The following PACRG variants were observed in gnomAD, a reference collection of about 807,000 sequenced individuals.
The protein encoded by PACRG is parkin coregulated.
PACRG carries 29 observed loss-of-function variants against 29.7 expected under a neutral mutation model. The observed-to-expected ratio is 0.98, with a 90% CI of 0.73 to 1.33. The LOEUF is 1.33. Among genes scored for constraint, PACRG ranks in the 40% most tolerant of loss-of-function variants. The pLI is 0.00. For synonymous variants in PACRG, 116 were observed against 118.7 expected (o/e 0.98, Z 0.15); for missense variants, 279 against 316.2 (o/e 0.88, Z 0.89).
chr6:162,796,933 C>T (rs1432636831), intron 1 of PACRG, among the ~76,000 whole-genome samples: 3 of 152,176 alleles, frequency 2.0e-5, no homozygotes, highest in Non-Finnish European at 4.4e-5. Flanking sequence ...AAAGAGTTTC[C>T]TCAAGAGTGG....
intron 2 of PACRG, among the ~76,000 whole-genome samples, chr6:162,880,589 T>C (rs1793749859): frequency 6.6e-6 from 1 of 152,222 alleles, no homozygotes; most frequent in Non-Finnish European, 1.5e-5. Flanking sequence ...TAACGCTTCA[T>C]ATCTTTCAGG....
intron 2 of PACRG, among the ~76,000 whole-genome samples, chr6:162,953,669 GTCC>G (rs1481313268): frequency 6.6e-6 from 1 of 152,032 alleles, no homozygotes; most frequent in Non-Finnish European, 1.5e-5. Context: ...AGAGCTTGCT[GTCC>G]TCCCGCTCTC....
chr6:162,913,752 A>C (rs1027460651), intron 2 of PACRG, among the ~76,000 whole-genome samples: 1 of 152,178 alleles, frequency 6.6e-6, no homozygotes, highest in Non-Finnish European at 1.5e-5. Flanking sequence ...AATTTCAGCC[A>C]GTCTAATGGA....
chr6:163,144,058 A>G (rs1585262559), intron 4 of PACRG, among the ~76,000 whole-genome samples: 1 of 151,850 alleles, frequency 6.6e-6, no homozygotes, highest in African/African-American at 2.4e-5. Flanking sequence ...GTGAAACCCC[A>G]TATCTACTAA....
At chr6:163,092,911 C>T (rs565463443) in intron 4 of PACRG, among the ~76,000 whole-genome samples, 46 of 152,298 alleles carry the variant, frequency 3.0e-4, no homozygotes, top group Admixed American at 5.2e-4. Flanking sequence ...TGACCCATAG[C>T]GCTCTCTCGT....
chr6:163,121,648 A>G (rs529416906), intron 4 of PACRG, among the ~76,000 whole-genome samples: 1 of 141,572 alleles, frequency 7.1e-6, no homozygotes, highest in South Asian at 2.3e-4. Context: ...CATTCATTTC[A>G]TCCTTCTCGG....
chr6:162,870,539 C>T (rs1364438161), intron 2 of PACRG, among the ~76,000 whole-genome samples: 4 of 152,190 alleles, frequency 2.6e-5, no homozygotes, highest in African/African-American at 7.2e-5. Context: ...GCAGTACACA[C>T]TGAACCCAGT....
intron 2 of PACRG, among the ~76,000 whole-genome samples, chr6:162,860,785 C>T (rs879241936): frequency 6.6e-6 from 1 of 152,134 alleles, no homozygotes. Context: ...AAGCAAGTTA[C>T]GGAGGCTTAG....
At chr6:162,913,017 T>C (rs906446210) in intron 2 of PACRG, among the ~76,000 whole-genome samples, 2 of 152,070 alleles carry the variant, frequency 1.3e-5, no homozygotes, top group South Asian at 4.1e-4. Context: ...GTATATAAAA[T>C]GTTTAAAGAA....
At chr6:163,172,683 T>G (rs530648644) in intron 4 of PACRG, among the ~76,000 whole-genome samples, 1 of 152,348 alleles carries the variant, frequency 6.6e-6, no homozygotes, top group Non-Finnish European at 1.5e-5. Context: ...CTCAGGACAC[T>G]GTGTGACACT....
intron 2 of PACRG, among the ~76,000 whole-genome samples, chr6:162,909,109 C>T (rs1796127111): frequency 6.6e-6 from 1 of 152,184 alleles, no homozygotes; most frequent in African/African-American, 2.4e-5. Flanking sequence ...CTGAATCCAA[C>T]CACATGAACT....
intron 2 of PACRG, among the ~76,000 whole-genome samples, chr6:162,838,506 C>G (rs1364467234): frequency 6.6e-6 from 1 of 152,114 alleles, no homozygotes; most frequent in Non-Finnish European, 1.5e-5. Context: ...GAAATACAGT[C>G]CAGCTGTGTA....
At chr6:163,162,445 ATC>A (rs1778595498) in intron 4 of PACRG, among the ~76,000 whole-genome samples, 1 of 152,172 alleles carries the variant, frequency 6.6e-6, no homozygotes, top group Non-Finnish European at 1.5e-5. Flanking sequence ...CCTCCAAATA[ATC>A]TGAGTCACAT....
At chr6:163,115,780 C>T (rs1234958454) in intron 4 of PACRG, among the ~76,000 whole-genome samples, 1 of 152,196 alleles carries the variant, frequency 6.6e-6, no homozygotes, top group African/African-American at 2.4e-5. Context: ...GGTCCACACT[C>T]TGGAGAGACC....
intron 1 of PACRG, among the ~76,000 whole-genome samples, chr6:162,780,469 A>G (rs1478235635): frequency 6.6e-6 from 1 of 152,212 alleles, no homozygotes. Context: ...TAGCTATACT[A>G]AAATTCTTAG....
chr6:163,214,451 G>A (rs1045364695), intron 4 of PACRG, among the ~76,000 whole-genome samples: 1 of 151,966 alleles, frequency 6.6e-6, no homozygotes, highest in Non-Finnish European at 1.5e-5. Flanking sequence ...GGGTACAGTT[G>A]TTATACTTTT....
intron 2 of PACRG, among the ~76,000 whole-genome samples, chr6:163,011,424 G>A (rs1195899913): frequency 6.6e-6 from 1 of 152,186 alleles, no homozygotes; most frequent in African/African-American, 2.4e-5. Context: ...TAGAAAAGGT[G>A]CAGTGAAAAT....
chr6:162,812,889 A>G (rs1210471817), intron 1 of PACRG, among the ~76,000 whole-genome samples: 3 of 152,102 alleles, frequency 2.0e-5, no homozygotes, highest in Non-Finnish European at 4.4e-5. Flanking sequence ...GTAATACCCA[A>G]TGCTGCCTCA....
At chr6:162,857,029 C>T (rs987121006) in intron 2 of PACRG, among the ~76,000 whole-genome samples, 3 of 152,194 alleles carry the variant, frequency 2.0e-5, no homozygotes, top group Non-Finnish European at 2.9e-5. Flanking sequence ...CCCTCCTCCA[C>T]TTAGCCTTTG....
Sources: allele counts gnomAD v4.1 joint callset (sites outside exome capture counted in the v4.1 genomes callset), GRCh38; gene constraint gnomAD v4.1.1; transcripts MANE v1.5; gene names NCBI Gene and HGNC (gene_info 2026-07-23, HGNC 2026-07-21).